The following SGCZ variants were observed in gnomAD, a reference collection of about 807,000 sequenced individuals.
SGCZ encodes the protein sarcoglycan zeta, also known as zeta-sarcoglycan.
Under a neutral mutation model 41.3 loss-of-function variants are expected in SGCZ, and 40 were observed. The ratio of observed to expected loss-of-function variants is 0.97; its 90% confidence interval spans 0.75 to 1.26. The LOEUF (loss-of-function observed/expected upper bound fraction) is 1.26, where lower values mean the gene tolerates loss of function less well. SGCZ is among the 50% of genes most tolerant of loss of function. SGCZ has a pLI of 0.00. For synonymous variants in SGCZ, 206 were observed against 137.5 expected, an observed-to-expected ratio of 1.50 and a Z score of -3.49; for missense variants, 552 against 369.8, an observed-to-expected ratio of 1.49 and a Z score of -4.04.
At chr8:15,182,107 G>A (rs1270037584) in intron 1 of SGCZ, among the ~76,000 whole-genome samples, 1 of 152,056 alleles carries the variant, frequency 6.6e-6, no homozygotes, top group Non-Finnish European at 1.5e-5. Flanking sequence ...TCTTGAAGTA[G>A]ACTCCTCTAT....
At chr8:14,412,411 T>A (rs1167662456) in intron 2 of SGCZ, among the ~76,000 whole-genome samples, 3 of 152,162 alleles carry the variant, frequency 2.0e-5, no homozygotes, top group Non-Finnish European at 2.9e-5. Flanking sequence ...TGCGTACATT[T>A]GAATGTCTAG....
At chr8:15,197,755 T>C (rs1563179139) in intron 1 of SGCZ, among the ~76,000 whole-genome samples, 1 of 152,130 alleles carries the variant, frequency 6.6e-6, no homozygotes, top group Non-Finnish European at 1.5e-5. Flanking sequence ...CCACTGATTA[T>C]TAGAATTTCC....
chr8:14,964,679 C>A (rs949144784), intron 1 of SGCZ, among the ~76,000 whole-genome samples: 1 of 152,026 alleles, frequency 6.6e-6, no homozygotes, highest in African/African-American at 2.4e-5. Flanking sequence ...TTAAATAATT[C>A]TGCATTGAGT....
intron 1 of SGCZ, among the ~76,000 whole-genome samples, chr8:14,847,884 G>C (rs1264409915): frequency 1.3e-5 from 2 of 150,524 alleles, no homozygotes; most frequent in Non-Finnish European, 3.0e-5. Context: ...CATTGTACTT[G>C]AGGTACTAGG....
In SGCZ at chr8:15,141,895, CA is replaced by C. The variant is rs10553934; in HGVS notation, c.39+95689del. Among the ~76,000 whole-genome samples, 462 of 144,436 alleles carry C rather than the reference CA, an allele frequency of 3.2e-3. 3 individuals carry two copies. The highest frequency in any genetic ancestry group is 0.011 in the African/African-American group (425 of 38,820). 94.8% of individuals were successfully genotyped at this position (144,436 alleles called of 152,430 possible). On this transcript the variant is annotated intron_variant, in intron 1 of 7. Transcript: ENST00000382080. ...CAGCATGGCAACAGTGTGAGACTCT[CA>C]AAAAAAAAAAAAACAAAAAAAATGA...
chr8:15,099,054 T>C (rs1806499493), intron 1 of SGCZ, among the ~76,000 whole-genome samples: 1 of 152,162 alleles, frequency 6.6e-6, no homozygotes, highest in Admixed American at 6.5e-5. Context: ...CGAGACTCCG[T>C]CTCAAAAAAA....
chr8:15,026,097 C>T (rs1290645671), intron 1 of SGCZ, among the ~76,000 whole-genome samples: 2 of 151,460 alleles, frequency 1.3e-5, no homozygotes, highest in African/African-American at 4.9e-5. Flanking sequence ...ACTTTGACTT[C>T]CATAGTATTC....
chr8:15,095,813 T>C (rs149404785), intron 1 of SGCZ, among the ~76,000 whole-genome samples: 126 of 152,234 alleles, frequency 8.3e-4, no homozygotes, highest in African/African-American at 2.9e-3. Flanking sequence ...ACAAAATGCA[T>C]CTTTATTCCT....
chr8:14,116,884 G>C (rs1166615701), intron 5 of SGCZ, among the ~76,000 whole-genome samples: 1 of 152,026 alleles, frequency 6.6e-6, no homozygotes. Context: ...CTCATCACAT[G>C]CTCAGCGTTG....
At chr8:14,164,458 G>A (rs538191315) in intron 5 of SGCZ, 122 bp downstream of exon 5, 15 of 1,198,868 alleles carry the variant, frequency 1.3e-5, no homozygotes, top group East Asian at 7.4e-5. Flanking sequence ...AAGAACAAAC[G>A]TTGTGATTAT....
At chr8:14,236,492 G>A (rs1481868883) in intron 4 of SGCZ, among the ~76,000 whole-genome samples, 2 of 151,808 alleles carry the variant, frequency 1.3e-5, no homozygotes, top group Admixed American at 6.6e-5. Flanking sequence ...CAAAATTCAT[G>A]TTTCTAAAGC....
chr8:14,240,556 T>C (rs970963178), intron 3 of SGCZ, among the ~76,000 whole-genome samples: 11 of 152,082 alleles, frequency 7.2e-5, no homozygotes, highest in Non-Finnish European at 1.2e-4. Flanking sequence ...CAATAATCTT[T>C]TTACTTAGTA....
intron 1 of SGCZ, among the ~76,000 whole-genome samples, chr8:14,565,266 A>T (rs1009498576): frequency 1.3e-5 from 2 of 152,064 alleles, no homozygotes; most frequent in Non-Finnish European, 2.9e-5. Context: ...AGACAGTTTT[A>T]TGTGGGAAAT....
intron 1 of SGCZ, among the ~76,000 whole-genome samples, chr8:15,225,899 A>G (rs779578066): frequency 1.3e-5 from 2 of 152,136 alleles, no homozygotes; most frequent in African/African-American, 2.4e-5. Context: ...ATCACCAGGC[A>G]TCTTTAGTTA....
chr8:14,587,996 C>T (rs890661696), intron 1 of SGCZ, among the ~76,000 whole-genome samples: 1 of 151,884 alleles, frequency 6.6e-6, no homozygotes, highest in Non-Finnish European at 1.5e-5. Flanking sequence ...GGCATCTTTA[C>T]AAAAAGATGT....
At chr8:14,528,996 A>C (rs1234264635) in intron 2 of SGCZ, among the ~76,000 whole-genome samples, 3 of 152,060 alleles carry the variant, frequency 2.0e-5, no homozygotes, top group Non-Finnish European at 2.9e-5. Flanking sequence ...CAACTAAACC[A>C]AAAATGGCTT....
At chr8:14,851,368 C>CAA (rs369090223) in intron 1 of SGCZ, among the ~76,000 whole-genome samples, 2,611 of 61,262 alleles carry the variant, frequency 0.043, 264 homozygotes, top group African/African-American at 0.11. Flanking sequence ...GACTCCATCT[C>CAA]AAAAAAAAAA....
Position 14,088,173 on chromosome 8 carries a change from G to C in SGCZ, c.*2270C>G, listed in dbSNP as rs1350192852. 6.6e-6 allele frequency among the ~76,000 whole-genome samples: 1 copy of C among 151,006 alleles called. No homozygotes were observed. Among genetic ancestry groups the C allele is most frequent in the African/African-American group, 2.4e-5 (1 of 41,130 alleles). ...GAAATTAGAACTTGAATTAGAACTTGAAATTAGAACATGTTGGAACAGAAA... is the reference window on the plus strand; with the variant it reads ...GAAATTAGAACTTGAATTAGAACTTCAAATTAGAACATGTTGGAACAGAAA... On this transcript the variant is annotated 3_prime_UTR_variant, in exon 8 of 8. Transcript: ENST00000382080.
intron 1 of SGCZ, among the ~76,000 whole-genome samples, chr8:15,017,634 T>C (rs1013194318): frequency 1.3e-5 from 2 of 152,124 alleles, no homozygotes; most frequent in African/African-American, 4.8e-5. Context: ...GTCTCCCATG[T>C]AGCTGGGACC....
Sources: gnomAD v4.1 joint callset for allele counts (sites outside exome capture counted in the v4.1 genomes callset) on GRCh38, gnomAD v4.1.1 for gene constraint, MANE v1.5 for transcripts, NCBI Gene and HGNC (gene_info 2026-07-23, HGNC 2026-07-21) for gene names.